Variants in CIMAP2 observed in about 807,000 individuals in gnomAD.
CIMAP2 encodes the protein ciliary microtubule associated protein 2.
the CIMAP2 span, chr1:54,811,778 C>A: frequency 6.5e-5 from 38 of 580,474 alleles, no homozygotes; most frequent in Non-Finnish European, 1.0e-4. Flanking sequence ...TCCATGCCCC[C>A]ACCCCCGCCC....
chr1:54,811,765 G>GCCGGGGGGGGGCGGCCCCCCCCCCCCCC, the CIMAP2 span: 1 of 1,301,328 alleles, frequency 7.7e-7, no homozygotes, highest in Non-Finnish European at 1.1e-6. Context: ...GGTTCTGACA[G>GCCGGGGGGGGGCGGCCCCCCCCCCCCCC]CCTCCATGCC....
chr1:54,819,444 C>T, the CIMAP2 span, among the ~76,000 whole-genome samples: 246 of 152,324 alleles, frequency 1.6e-3, 6 homozygotes, highest in East Asian at 0.031. Context: ...TCATAGCTCA[C>T]GGCAGCCTAG....
the CIMAP2 span, among the ~76,000 whole-genome samples, chr1:54,836,967 A>G: frequency 6.6e-6 from 1 of 152,052 alleles, no homozygotes; most frequent in Non-Finnish European, 1.5e-5. Context: ...TGCAGTTGAC[A>G]TGGGAGGAAA....
the CIMAP2 span, among the ~76,000 whole-genome samples, chr1:54,825,320 G>C: frequency 6.6e-6 from 1 of 151,826 alleles, no homozygotes. Context: ...CAAAGTGCTG[G>C]GATTACAGGT....
the CIMAP2 span, chr1:54,811,857 A>C: frequency 6.2e-7 from 1 of 1,609,768 alleles, no homozygotes; most frequent in Non-Finnish European, 8.5e-7. Flanking sequence ...GCTGGAGGAG[A>C]ATGCCTGGAA....
chr1:54,811,773 G>GTCCCCCCCCCCC, the CIMAP2 span: 4 of 1,325,050 alleles, frequency 3.0e-6, no homozygotes, highest in South Asian at 2.6e-5. Context: ...CAGCCTCCAT[G>GTCCCCCCCCCCC]CCCCCACCCC....
the CIMAP2 span, among the ~76,000 whole-genome samples, chr1:54,820,830 G>A: frequency 2.0e-5 from 3 of 152,046 alleles, no homozygotes; most frequent in East Asian, 1.9e-4. Context: ...GTGCAGTGGC[G>A]TGATCTTGGC....
At chr1:54,826,112 C>T in the CIMAP2 span, among the ~76,000 whole-genome samples, 1 of 152,056 alleles carries the variant, frequency 6.6e-6, no homozygotes, top group Non-Finnish European at 1.5e-5. Flanking sequence ...TCTTAGGCCC[C>T]AAGATGGCCT....
At chr1:54,811,765 G>GCCGGGGGGGGGGGGGCCCCCC in the CIMAP2 span, 20 of 1,301,286 alleles carry the variant, frequency 1.5e-5, no homozygotes, top group East Asian at 5.0e-5. Flanking sequence ...GGTTCTGACA[G>GCCGGGGGGGGGGGGGCCCCCC]CCTCCATGCC....
At chr1:54,831,838 T>C in the CIMAP2 span, among the ~76,000 whole-genome samples, 2 of 152,030 alleles carry the variant, frequency 1.3e-5, no homozygotes, top group African/African-American at 4.8e-5. Context: ...AAAAAATCCA[T>C]GAAGAAATTA....
the CIMAP2 span, among the ~76,000 whole-genome samples, chr1:54,820,100 CTT>C: frequency 0.62 from 61,154 of 99,382 alleles, 18,343 homozygotes; most frequent in South Asian, 0.71. Context: ...TTCTTTCTTT[CTT>C]TCTCTCTCTC....
the CIMAP2 span, chr1:54,811,765 G>GCGGGGGGGGGGGCGCCCCCCCC: frequency 1.5e-6 from 2 of 1,301,330 alleles, no homozygotes; most frequent in Non-Finnish European, 2.2e-6. Context: ...GGTTCTGACA[G>GCGGGGGGGGGGGCGCCCCCCCC]CCTCCATGCC....
the CIMAP2 span, among the ~76,000 whole-genome samples, chr1:54,816,760 G>T: frequency 6.6e-6 from 1 of 152,208 alleles, no homozygotes. Flanking sequence ...CCTTACTGCA[G>T]TATGACTTAA....
At chr1:54,834,706 A>G in the CIMAP2 span, among the ~76,000 whole-genome samples, 1 of 152,232 alleles carries the variant, frequency 6.6e-6, no homozygotes, top group East Asian at 1.9e-4. Context: ...TACATGCCGT[A>G]TACACACAGC....
chr1:54,820,696 C>T, the CIMAP2 span, among the ~76,000 whole-genome samples: 1 of 152,272 alleles, frequency 6.6e-6, no homozygotes, highest in African/African-American at 2.4e-5. Flanking sequence ...TGATGTCAAG[C>T]ATTTTTTCAT....
the CIMAP2 span, among the ~76,000 whole-genome samples, chr1:54,810,406 G>T: frequency 1.3e-5 from 2 of 152,184 alleles, no homozygotes; most frequent in African/African-American, 4.8e-5. Context: ...TGTTAAGGCT[G>T]GTGAAGCACC....
the CIMAP2 span, among the ~76,000 whole-genome samples, chr1:54,835,948 C>A: frequency 1.3e-5 from 2 of 152,106 alleles, no homozygotes; most frequent in East Asian, 1.9e-4. Context: ...TTCACCATGA[C>A]CCATCTTCCT....
At chr1:54,807,121 T>A in the CIMAP2 span, 1 of 1,566,868 alleles carries the variant, frequency 6.4e-7, no homozygotes, top group Non-Finnish European at 8.8e-7. Context: ...TCCCACAGGG[T>A]CTGGCCACTG....
chr1:54,831,703 A>T, the CIMAP2 span, among the ~76,000 whole-genome samples: 1 of 152,200 alleles, frequency 6.6e-6, no homozygotes, highest in Non-Finnish European at 1.5e-5. Context: ...TCTGGCTATG[A>T]TATATCAGAT....
Sources: allele counts gnomAD v4.1 joint callset (sites outside exome capture counted in the v4.1 genomes callset), GRCh38; gene constraint gnomAD v4.1.1; transcripts MANE v1.5; gene names NCBI Gene and HGNC (gene_info 2026-07-23, HGNC 2026-07-21).